Variants in PDCD6IP observed in about 807,000 individuals in gnomAD.
PDCD6IP encodes the protein programmed cell death 6-interacting protein.
PDCD6IP carries 43 observed loss-of-function variants against 103.7 expected under a neutral mutation model. That is an observed-to-expected ratio of 0.41 (90% CI 0.32 to 0.53). The LOEUF (loss-of-function observed/expected upper bound fraction) is 0.53. Ranked by LOEUF, PDCD6IP falls within the 20% of genes least tolerant of loss-of-function variation. The pLI is 0.16. For synonymous variants in PDCD6IP, 354 were observed against 378.7 expected (o/e 0.93, Z 0.76); for missense variants, 871 against 1,036.7 (o/e 0.84, Z 2.20).
chr3:33,798,921 C>G lies in PDCD6IP; in HGVS notation c.193C>G (p.Leu65Val), dbSNP rs374644579. Reference sequence around the variant, plus strand: ...TCCGCTGGACAAGCACGAGGGCGCGCTCGAGACGCTCCTGAGGTGGGCGCG... The same window carrying G: ...TCCGCTGGACAAGCACGAGGGCGCGGTCGAGACGCTCCTGAGGTGGGCGCG... ...GRPLDKHEGA[L>V]ETLLRYYDQI... Residue 65 changes from leucine (L) to valine (V), a missense_variant, in exon 1 of 18, where the codon CTC (leucine) becomes GTC (valine). Coordinates refer to ENST00000307296, the MANE Select transcript of PDCD6IP (RefSeq NM_013374.6). The G allele has an allele frequency of 1.9e-6, 3 of 1,539,626 alleles. No homozygotes were observed. The highest frequency in any genetic ancestry group is 2.6e-6 in the Non-Finnish European group (3 of 1,139,194).
At chr3:33,847,333 CCTTA>C (rs1470929982) in intron 12 of PDCD6IP, among the ~76,000 whole-genome samples, 1 of 152,158 alleles carries the variant, frequency 6.6e-6, no homozygotes. Flanking sequence ...TTTTATTAAT[CCTTA>C]CTTGTGTTAC....
At chr3:33,800,119 C>CAAAAAAAAAAAAA (rs1173163869) in intron 1 of PDCD6IP, among the ~76,000 whole-genome samples, 25 of 50,872 alleles carry the variant, frequency 4.9e-4, no homozygotes, top group South Asian at 6.8e-4. Flanking sequence ...GACTCCATCT[C>CAAAAAAAAAAAAA]AAAAAAAAAA....
At chr3:33,865,479 G>A in intron 17 of PDCD6IP, 49 bp downstream of exon 17, 2 of 1,502,894 alleles carry the variant, frequency 1.3e-6, no homozygotes, top group Non-Finnish European at 1.8e-6. Context: ...TTGTTTCTAG[G>A]CTCTGGCTAA....
intron 1 of PDCD6IP, among the ~76,000 whole-genome samples, chr3:33,808,488 A>G (rs1256836886): frequency 6.6e-6 from 1 of 152,188 alleles, no homozygotes. Flanking sequence ...CTATGTGCCC[A>G]GGGTGGTCTC....
intron 17 of PDCD6IP, among the ~76,000 whole-genome samples, chr3:33,865,843 A>G (rs892364101): frequency 6.6e-6 from 1 of 152,168 alleles, no homozygotes; most frequent in Non-Finnish European, 1.5e-5. Context: ...TATGGGTTGC[A>G]CTTTCTTAAA....
At chr3:33,806,439 C>G (rs1009159242) in intron 1 of PDCD6IP, among the ~76,000 whole-genome samples, 9 of 152,202 alleles carry the variant, frequency 5.9e-5, no homozygotes, top group Admixed American at 5.9e-4. Context: ...ACTTGAAAGA[C>G]TGTGACATTA....
intron 13 of PDCD6IP, among the ~76,000 whole-genome samples, chr3:33,853,612 A>G (rs549173318): frequency 1.3e-5 from 2 of 152,222 alleles, no homozygotes; most frequent in Admixed American, 1.3e-4. Flanking sequence ...AATAATTTTC[A>G]TGTTATATTT....
At chr3:33,825,424 T>G in intron 5 of PDCD6IP, 84 bp downstream of exon 5, 1 of 1,198,090 alleles carries the variant, frequency 8.3e-7, no homozygotes, top group Non-Finnish European at 1.2e-6. Context: ...TATAATATGT[T>G]CAATGTCGAG....
intron 3 of PDCD6IP, among the ~76,000 whole-genome samples, chr3:33,816,503 T>TAAAAAAAAAAAAA (rs57317946): frequency 1.7e-5 from 1 of 57,636 alleles, no homozygotes; most frequent in African/African-American, 6.9e-5. Flanking sequence ...AGATTCTGTC[T>TAAAAAAAAAAAAA]AAAAAAAAAA....
rs199990824 is a variant in PDCD6IP, at chr3:33,838,272, G to T, written c.1126G>T (p.Asp376Tyr). The T allele has an allele frequency of 6.2e-7, 1 of 1,613,262 alleles. No homozygotes were observed. The highest frequency in any genetic ancestry group is 8.5e-7 in the Non-Finnish European group (1 of 1,179,218). ...GGCTGCCTATAATCAGAGGAAAGCC[G>T]ATTTGGTTAACAGATCAATTGCTCA... ...SLAAYNQRKA[D>Y]LVNRSIAQMR... The change falls in exon 9 of 18, where the codon GAT becomes TAT. Residue 376 changes from aspartate to tyrosine, a missense_variant. Physicochemically the swap from Asp to Tyr is radical, Grantham distance 160 (BLOSUM62 -3). Coordinates refer to ENST00000307296, the MANE Select transcript of PDCD6IP (RefSeq NM_013374.6).
intron 7 of PDCD6IP, among the ~76,000 whole-genome samples, chr3:33,834,439 A>G (rs1205557908): frequency 1.3e-5 from 2 of 152,204 alleles, no homozygotes; most frequent in Non-Finnish European, 2.9e-5. Context: ...TGATTTACAA[A>G]TTTAAAAAGT....
chr3:33,800,380 C>A (rs1696449149), intron 1 of PDCD6IP, among the ~76,000 whole-genome samples: 1 of 152,014 alleles, frequency 6.6e-6, no homozygotes, highest in Admixed American at 6.6e-5. Flanking sequence ...TTGTTTGCAC[C>A]CATTTATGAT....
At chr3:33,836,012 T>A in intron 7 of PDCD6IP, 32 bp from the exon 8 acceptor site, 2 of 1,197,642 alleles carry the variant, frequency 1.7e-6, no homozygotes, top group Non-Finnish European at 2.4e-6. Context: ...CTCCCTCTTT[T>A]TTTTTTTTGT....
chr3:33,821,096 T>C (rs903162435), intron 3 of PDCD6IP, among the ~76,000 whole-genome samples: 3 of 152,094 alleles, frequency 2.0e-5, no homozygotes, highest in Non-Finnish European at 4.4e-5. Context: ...AGCCTTGAAC[T>C]CCTGGGCCCT....
At chr3:33,815,096 T>C (rs1559775493) in intron 3 of PDCD6IP, among the ~76,000 whole-genome samples, 1 of 149,022 alleles carries the variant, frequency 6.7e-6, no homozygotes, top group Non-Finnish European at 1.5e-5. Flanking sequence ...ACCATATACA[T>C]ACATGTATCT....
At chr3:33,842,852 A>G (rs1292836895) in intron 10 of PDCD6IP, among the ~76,000 whole-genome samples, 1 of 152,214 alleles carries the variant, frequency 6.6e-6, no homozygotes, top group Non-Finnish European at 1.5e-5. Flanking sequence ...AGTACAGAAT[A>G]CTGAATTGCA....
intron 7 of PDCD6IP, among the ~76,000 whole-genome samples, chr3:33,829,689 AT>A (rs1697205591): frequency 6.6e-6 from 1 of 152,154 alleles, no homozygotes; most frequent in South Asian, 2.1e-4. Flanking sequence ...AAGATGACTT[AT>A]GGCATTTGAG....
chr3:33,855,413 T>G, intron 15 of PDCD6IP, 153 bp downstream of exon 15: 1 of 487,012 alleles, frequency 2.1e-6, no homozygotes, highest in Non-Finnish European at 3.7e-6. Flanking sequence ...AAGCAACAAG[T>G]AAACAGCTGC....
chr3:33,834,857 G>T (rs1697314164), intron 7 of PDCD6IP, among the ~76,000 whole-genome samples: 1 of 152,162 alleles, frequency 6.6e-6, no homozygotes, highest in South Asian at 2.1e-4. Flanking sequence ...TCTATGTCTG[G>T]TAAACCAAAC....
Sources: gnomAD v4.1 joint callset for allele counts (sites outside exome capture counted in the v4.1 genomes callset) on GRCh38, gnomAD v4.1.1 for gene constraint, MANE v1.5 for transcripts, NCBI Gene and HGNC (gene_info 2026-07-23, HGNC 2026-07-21) for gene names.